LARP1: variants seen among roughly 807,000 people sequenced by gnomAD.
The protein encoded by LARP1 is la-related protein 1.
Under a neutral mutation model 122.7 loss-of-function variants are expected in LARP1, and 36 were observed. That is an observed-to-expected ratio of 0.29 (90% confidence interval 0.22 to 0.39). The LOEUF is 0.39. Among genes scored for constraint, LARP1 ranks in the 10% least tolerant of loss-of-function variants. LARP1 has a pLI of 1.00. For missense variants in LARP1, 1,040 were observed against 1,403.6 expected, an observed-to-expected ratio of 0.74 and a Z score of 4.14; for synonymous variants, 539 against 528.7, an observed-to-expected ratio of 1.02 and a Z score of -0.27.
intron 1 of LARP1, among the ~76,000 whole-genome samples, chr5:154,748,057 C>T (rs1753297269): frequency 6.6e-6 from 1 of 152,140 alleles, no homozygotes; most frequent in Non-Finnish European, 1.5e-5. Flanking sequence ...AGTATATTGG[C>T]CACGCTTGTC....
intron 1 of LARP1, among the ~76,000 whole-genome samples, chr5:154,765,133 C>G (rs1157940435): frequency 6.6e-6 from 1 of 152,144 alleles, no homozygotes; most frequent in Non-Finnish European, 1.5e-5. Flanking sequence ...TTGATCTGGT[C>G]TCTGTCCACC....
chr5:154,804,697 A>G (rs920433979), intron 14 of LARP1: 3 of 428,862 alleles, frequency 7.0e-6, no homozygotes, highest in Non-Finnish European at 1.4e-5. Context: ...AAAAAAATAC[A>G]TATTTATTGG....
At chr5:154,737,641 C>T (rs1404506260) in intron 1 of LARP1, among the ~76,000 whole-genome samples, 1 of 151,888 alleles carries the variant, frequency 6.6e-6, no homozygotes, top group East Asian at 1.9e-4. Context: ...CGGGATTTCA[C>T]CTTGTTGGTC....
intron 1 of LARP1, among the ~76,000 whole-genome samples, chr5:154,690,771 G>T (rs1283634933): frequency 6.6e-6 from 1 of 152,250 alleles, no homozygotes; most frequent in Admixed American, 6.5e-5. Flanking sequence ...CGGGCGGGGG[G>T]GCTGTGCGAC....
In LARP1 at chr5:154,729,697, G is replaced by C. The variant is rs1469697661; in HGVS notation, c.205+16567G>C. The C allele has an allele frequency of 1.3e-5, 4 of 318,968 alleles. No homozygotes were observed. The East Asian group carries it at 3.2e-4, about 25-fold the overall frequency. The allele number at this position is 318,968 out of a possible 1,614,324, so 19.8% of individuals were successfully genotyped here. Reference sequence around the variant, plus strand: ...ATCCCTATGAATTCGTGGCATAATAGGTATTTAAAAAATACCTCTAGACTG... The same window carrying C: ...ATCCCTATGAATTCGTGGCATAATACGTATTTAAAAAATACCTCTAGACTG... On this transcript the variant is annotated intron_variant, in intron 1 of 18. Coordinates refer to the LARP1 transcript ENST00000336314.
intron 1 of LARP1, among the ~76,000 whole-genome samples, chr5:154,693,810 C>A (rs1224712159): frequency 1.3e-5 from 2 of 150,030 alleles, no homozygotes; most frequent in African/African-American, 2.5e-5. Context: ...GAGCCGAGAT[C>A]GCGCCACTGC....
intron 1 of LARP1, among the ~76,000 whole-genome samples, chr5:154,703,772 C>G (rs1170793395): frequency 6.6e-6 from 1 of 152,042 alleles, no homozygotes; most frequent in Non-Finnish European, 1.5e-5. Flanking sequence ...AGGCGCCCAC[C>G]ACCATGCCCA....
Position 154,791,414 on chromosome 5 carries a change from G to A in LARP1, c.564+704G>A, listed in dbSNP as rs1010530776. ...TATTTTAGAGACGAGGTTTTACCAT[G>A]TTGGCCAGGCTGGGCTTGAACTGAC... is the stretch of plus-strand genomic sequence containing the variant. On this transcript the variant is annotated intron_variant, in intron 3 of 18. Coordinates refer to ENST00000518297, the MANE Select transcript of LARP1 (RefSeq NM_033551.3). Among the ~76,000 whole-genome samples the A allele has an allele frequency of 2.6e-5, 4 of 152,186 alleles. No homozygotes were observed. In the South Asian group the frequency reaches 6.2e-4, roughly 24 times the overall value.
At chr5:154,720,284 A>G (rs1755782915) in intron 1 of LARP1, among the ~76,000 whole-genome samples, 1 of 152,188 alleles carries the variant, frequency 6.6e-6, no homozygotes, top group South Asian at 2.1e-4. Flanking sequence ...ATATTAAAAT[A>G]TCTGTGATTT....
At chr5:154,712,025 A>G (rs1365456309), upstream of LARP1, among the ~76,000 whole-genome samples, 1 of 152,198 alleles carries the variant, frequency 6.6e-6, no homozygotes, top group Non-Finnish European at 1.5e-5. Flanking sequence ...GCTTGTTTAT[A>G]TCTAGATCCC....
intron 14 of LARP1, chr5:154,805,062 C>T (rs953731109): frequency 8.4e-6 from 3 of 357,352 alleles, no homozygotes; most frequent in African/African-American, 6.4e-5. Flanking sequence ...ATATGTATTA[C>T]ATACTGTATT....
chr5:154,745,841 G>A (rs961273076), intron 1 of LARP1, among the ~76,000 whole-genome samples: 3 of 151,702 alleles, frequency 2.0e-5, no homozygotes, highest in African/African-American at 7.3e-5. Flanking sequence ...CTGTTGCCAG[G>A]CTGGAGTGCA....
chr5:154,713,289 G>A (rs1755317119), intron 1 of LARP1, among the ~76,000 whole-genome samples: 1 of 152,174 alleles, frequency 6.6e-6, no homozygotes, highest in Admixed American at 6.5e-5. Flanking sequence ...TTCCCCATCT[G>A]GGAAAATGAG....
At chr5:154,760,769 A>G (rs933149702) in intron 1 of LARP1, among the ~76,000 whole-genome samples, 31 of 152,250 alleles carry the variant, frequency 2.0e-4, no homozygotes, top group African/African-American at 7.5e-4. Flanking sequence ...ACTATTTCCA[A>G]TAAATAAATG....
chr5:154,728,409 A>C (rs1010895397), intron 1 of LARP1, among the ~76,000 whole-genome samples: 4 of 152,182 alleles, frequency 2.6e-5, no homozygotes, highest in African/African-American at 9.7e-5. Context: ...CCTTTGGCTT[A>C]CTTTGACCAA....
chr5:154,695,472 C>T (rs945188813), intron 1 of LARP1, among the ~76,000 whole-genome samples: 42 of 151,976 alleles, frequency 2.8e-4, no homozygotes, highest in Admixed American at 2.7e-3. Flanking sequence ...GCCTGACCAA[C>T]ATGGTGAAAC....
chr5:154,784,974 G>C (rs1436397242), intron 1 of LARP1, among the ~76,000 whole-genome samples: 1 of 152,190 alleles, frequency 6.6e-6, no homozygotes, highest in African/African-American at 2.4e-5. Flanking sequence ...TCTGTTCTGA[G>C]TAAAAAGTGG....
chr5:154,778,346 T>C (rs1160498223), intron 1 of LARP1, among the ~76,000 whole-genome samples: 1 of 151,922 alleles, frequency 6.6e-6, no homozygotes, highest in Non-Finnish European at 1.5e-5. Context: ...GTTTAACAGT[T>C]GAAACTCATT....
At chr5:154,777,246 A>ATCCCAGCACT (rs1366391629) in intron 1 of LARP1, among the ~76,000 whole-genome samples, 23 of 152,258 alleles carry the variant, frequency 1.5e-4, no homozygotes, top group Non-Finnish European at 2.9e-4. Context: ...CATGCCTGTA[A>ATCCCAGCACT]TCCCAGCACT....
Sources: gnomAD v4.1 joint callset for allele counts (sites outside exome capture counted in the v4.1 genomes callset) on GRCh38, gnomAD v4.1.1 for gene constraint, MANE v1.5 for transcripts, NCBI Gene and HGNC (gene_info 2026-07-23, HGNC 2026-07-21) for gene names.